Variants in ADAM12 observed in about 807,000 individuals in gnomAD.
ADAM12 encodes disintegrin and metalloproteinase domain-containing protein 12.
Under a neutral mutation model 106.4 loss-of-function variants are expected in ADAM12, and 70 were observed. That is an observed-to-expected ratio of 0.66 (90% CI 0.54 to 0.80). The LOEUF is 0.80. Among genes scored for constraint, ADAM12 ranks in the 30% least tolerant of loss-of-function variants. ADAM12 has a pLI of 0.00. For synonymous variants in ADAM12, 420 were observed against 433.5 expected (o/e 0.97, Z 0.39); for missense variants, 1,010 against 1,171.9 (o/e 0.86, Z 2.02).
intron 4 of ADAM12, among the ~76,000 whole-genome samples, chr10:126,143,635 A>G (rs564476721): frequency 3.8e-4 from 57 of 149,454 alleles, no homozygotes; most frequent in African/African-American, 1.2e-3. Context: ...GTGTGTGTAT[A>G]CACGTATGTG....
intron 4 of ADAM12, among the ~76,000 whole-genome samples, chr10:126,145,311 C>T (rs1000894754): frequency 1.3e-5 from 2 of 152,098 alleles, no homozygotes; most frequent in South Asian, 2.1e-4. Context: ...AGCTGCTCTC[C>T]CCCAAGAGCA....
At position 126,066,574 on chromosome 10, in the gene ADAM12, C is replaced by T. The variant is rs1053128571; in HGVS notation, c.1413+143G>A. On this transcript the variant is annotated intron_variant, in intron 13 of 22. Transcript: ENST00000448723. This position sits in a 1 kb window ranked among gnomAD's most constrained non-coding sequence, Gnocchi z 5.1. The stretch of plus-strand genomic sequence containing the variant: ...GCTAAACAGTAAGAGGTGGGTAACA[C>T]CAACTGGCGTGAGAAGGAGGGATGG... 1.5e-5 allele frequency: 11 copies of T among 721,744 alleles called. 1 individual carries two copies. Among genetic ancestry groups the T allele is most frequent in the Middle Eastern group, 3.9e-4 (1 of 2,542 alleles). 44.7% of individuals were successfully genotyped at this position (721,744 alleles called of 1,614,324 possible).
rs994139648 is a variant in ADAM12, at chr10:126,015,156, T to C, written c.*2123A>G. 3 of 152,234 alleles carry C rather than the reference T, an allele frequency of 2.0e-5. No individual in the cohort carries two copies. The highest frequency in any genetic ancestry group is 4.4e-5 in the Non-Finnish European group (3 of 68,044). 9.4% of individuals were successfully genotyped at this position (152,234 alleles called of 1,614,324 possible). On this transcript the variant is annotated 3_prime_UTR_variant, in exon 23 of 23. Transcript: ENST00000448723. ...ATCAGCCATGGCCCCTAAGTGGCCA[T>C]TGATGACATGGCATAAGATCACAGT...
chr10:126,339,666 T>C lies in ADAM12; in HGVS notation c.89-9157A>G, dbSNP rs555734932. On this transcript the variant is annotated intron_variant, in intron 1 of 22. Coordinates refer to ENST00000448723, the MANE Select transcript of ADAM12 (RefSeq NM_001288973.2). ...CATGAATGTGAAAACCCCAAGGCAG[T>C]AGAGTGCTTTGTGGGTTCCAGGAAC... Among the ~76,000 whole-genome samples the C allele has an allele frequency of 2.6e-5, 4 of 152,130 alleles. No individual in the cohort carries two copies. In the South Asian group the frequency reaches 6.2e-4, roughly 24 times the overall value.
chr10:126,104,755 T>C (rs1356138755), intron 8 of ADAM12, among the ~76,000 whole-genome samples: 1 of 152,160 alleles, frequency 6.6e-6, no homozygotes, highest in Non-Finnish European at 1.5e-5. Context: ...CATTCCAGAA[T>C]GTCACCTTCA....
chr10:126,279,523 C>G (rs1959453702), intron 2 of ADAM12, among the ~76,000 whole-genome samples: 1 of 151,500 alleles, frequency 6.6e-6, no homozygotes, highest in African/African-American at 2.4e-5. Context: ...GTCAGAAGTT[C>G]AAGACCAGCC....
chr10:126,276,133 T>C lies in ADAM12; in HGVS notation c.260+2782A>G, dbSNP rs185667615. Reference sequence around the variant, plus strand: ...TTGAATCAGTCTCCTATTGATGTACTTTTAGGTAAAACATCTTTAAGCACA... The same window carrying C: ...TTGAATCAGTCTCCTATTGATGTACCTTTAGGTAAAACATCTTTAAGCACA... On this transcript the variant is annotated intron_variant, in intron 3 of 22. Transcript: ENST00000448723. Among the ~76,000 whole-genome samples the C allele has an allele frequency of 4.6e-5, 7 of 152,306 alleles. No homozygotes were observed. In the East Asian group the frequency reaches 9.6e-4, roughly 21 times the overall value.
intron 19 of ADAM12, 44 bp from the exon 20 acceptor site, chr10:126,038,393 T>A (rs1210429269): frequency 6.9e-7 from 1 of 1,443,908 alleles, no homozygotes; most frequent in Non-Finnish European, 9.3e-7. Context: ...TGTTTCCCCT[T>A]CTCACTGACT....
intron 1 of ADAM12, among the ~76,000 whole-genome samples, chr10:126,381,074 G>T (rs1430623090): frequency 6.6e-6 from 1 of 152,142 alleles, no homozygotes; most frequent in Non-Finnish European, 1.5e-5. Flanking sequence ...AGTTTCCACA[G>T]CTGCAACATT....
chr10:126,144,982 G>A (rs968041621), intron 4 of ADAM12, among the ~76,000 whole-genome samples: 9 of 152,174 alleles, frequency 5.9e-5, no homozygotes, highest in African/African-American at 2.2e-4. Context: ...CCAGACAGAA[G>A]GTCTATCTTA....
chr10:126,207,611 T>C (rs1481744699), intron 3 of ADAM12, among the ~76,000 whole-genome samples: 1 of 152,178 alleles, frequency 6.6e-6, no homozygotes, highest in Non-Finnish European at 1.5e-5. Flanking sequence ...TTGCTTCTGC[T>C]CCAATTATAC....
intron 4 of ADAM12, among the ~76,000 whole-genome samples, chr10:126,137,828 A>G: frequency 6.6e-6 from 1 of 152,248 alleles, no homozygotes; most frequent in East Asian, 1.9e-4. Flanking sequence ...ATTATGAGTA[A>G]CGTTACTATG....
intron 2 of ADAM12, among the ~76,000 whole-genome samples, chr10:126,290,776 G>T (rs369550424): frequency 1.3e-5 from 2 of 152,284 alleles, no homozygotes; most frequent in East Asian, 3.9e-4. Flanking sequence ...GTCCAGTCCT[G>T]GGTTGATAGC....
chr10:126,138,564 T>C (rs978017793), intron 4 of ADAM12, among the ~76,000 whole-genome samples: 12 of 152,102 alleles, frequency 7.9e-5, no homozygotes, highest in Admixed American at 7.2e-4. Context: ...TTTGTAGTGA[T>C]GGAATTTCAC....
intron 1 of ADAM12, among the ~76,000 whole-genome samples, chr10:126,364,139 CTTT>C (rs374124944): frequency 5.6e-4 from 84 of 151,058 alleles, no homozygotes; most frequent in Non-Finnish European, 3.7e-4. Flanking sequence ...GTATCCAATA[CTTT>C]TTTTTTTAAA....
chr10:126,107,451 G>T (rs1404997721), intron 8 of ADAM12, among the ~76,000 whole-genome samples: 1 of 152,178 alleles, frequency 6.6e-6, no homozygotes, highest in Non-Finnish European at 1.5e-5. Flanking sequence ...TTGTAATATG[G>T]AGCCGAATTT....
chr10:126,133,454 G>A (rs1956344869), intron 5 of ADAM12, among the ~76,000 whole-genome samples: 2 of 152,016 alleles, frequency 1.3e-5, no homozygotes, highest in Admixed American at 1.3e-4. Context: ...AAGGTCTCTC[G>A]ACTCTCACAA....
chr10:126,049,413 G>T lies in ADAM12; in HGVS notation c.1757C>A (p.Ala586Asp). 1 of 1,614,212 alleles carries T rather than the reference G, an allele frequency of 6.2e-7. No homozygotes were observed. Among genetic ancestry groups the T allele is most frequent in the Admixed American group, 1.7e-5 (1 of 60,026 alleles). The change falls in exon 16 of 23, where the codon GCC becomes GAC. Residue 586 changes from alanine to aspartate, a missense_variant. Ala to Asp is a moderately radical substitution (Grantham distance 126). Coordinates refer to ENST00000448723, the MANE Select transcript of ADAM12 (RefSeq NM_001288973.2). The surrounding 1 kb of genome is among the most constrained non-coding windows in gnomAD (Gnocchi z 4.4). ...KCGKIQCQGG[A>D]SRPVIGTNAV... is the part of the protein sequence containing the mutation. ...ATTGGTACCAATGACTGGCCGGCTG[G>T]CACCTCCTTGACACTGGATTTTTCC...
chr10:126,036,261 T>C lies in ADAM12; in HGVS notation c.2414A>G (p.Asn805Ser). ...VDISRPLNGL[N>S]VPQPQSTQRV... ...CTGAGTTGACTGGGGCTGAGGGACA[T>C]TCAGGCCGTTGAGGGGTCTGCTGAT... Residue 805 changes from asparagine to serine, a missense_variant, in exon 21 of 23, where the codon AAT (asparagine) becomes AGT (serine). By Grantham distance (46) the Asn-to-Ser change is conservative. Around this residue, in one of 3 missense-constraint regions of ADAM12, gnomAD observed 615 missense variants for 708.5 expected, o/e 0.87. Transcript: ENST00000448723. The C allele has an allele frequency of 6.4e-7, 1 of 1,562,094 alleles. No individual in the cohort carries two copies. Among genetic ancestry groups the C allele is most frequent in the Non-Finnish European group, 8.6e-7 (1 of 1,160,074 alleles).
Sources: gnomAD v4.1 joint callset for allele counts (sites outside exome capture counted in the v4.1 genomes callset) on GRCh38, gnomAD v4.1.1 for gene constraint, gnomAD v4.1.1 regional missense constraint, Gnocchi (gnomAD v3.1) non-coding constraint, MANE v1.5 for transcripts, NCBI Gene and HGNC (gene_info 2026-07-23, HGNC 2026-07-21) for gene names.